The following UBAP1L variants were observed in gnomAD, a reference collection of about 807,000 sequenced individuals.
UBAP1L encodes the protein ubiquitin-associated protein 1-like.
In UBAP1L, 32 loss-of-function variants were observed where a neutral mutation model predicts 32.1. The ratio of observed to expected loss-of-function variants is 1.00; its 90% CI spans 0.75 to 1.34. UBAP1L has a LOEUF of 1.34. Among genes scored for constraint, UBAP1L ranks in the 40% most tolerant of loss-of-function variants. The pLI, the probability that UBAP1L is intolerant of heterozygous loss-of-function variation, is 0.00. For synonymous variants in UBAP1L, 243 were observed against 250.2 expected, an observed-to-expected ratio of 0.97 and a Z score of 0.27; for missense variants, 516 against 540.5, an observed-to-expected ratio of 0.95 and a Z score of 0.45.
Position 65,102,450 on chromosome 15 carries a change from T to G in UBAP1L, c.355A>C (p.Ser119Arg). 2 of 1,424,634 alleles carry G rather than the reference T, an allele frequency of 1.4e-6. No homozygotes were observed. Among genetic ancestry groups the G allele is most frequent in the Non-Finnish European group, 1.8e-6 (2 of 1,089,848 alleles). 88.2% of individuals were successfully genotyped at this position (1,424,634 alleles called of 1,614,324 possible). A position where few individuals can be genotyped will look rare whatever the true frequency, so the allele number is the denominator to read the frequency against. Residue 119 changes from serine (S) to arginine (R), a missense_variant, in exon 3 of 6, where the codon AGC (serine) becomes CGC (arginine). Ser to Arg is a moderately radical substitution (Grantham distance 110, BLOSUM62 -1). Coordinates refer to ENST00000559089, the MANE Select transcript of UBAP1L (RefSeq NM_001163692.2). The surrounding 1 kb of genome is among the most constrained non-coding windows in gnomAD (Gnocchi z 5.0). ...GEDEAEASSG[S>R]EEEPAPSSLQ... The stretch of plus-strand genomic sequence containing the variant: ...CTGCTGGGGGCCGGCTCTTCCTCGC[T>G]GCCAGAGGAGGCTTCTGCCTCGTCC...
intron 1 of UBAP1L, among the ~76,000 whole-genome samples, chr15:65,112,950 T>C (rs2087378603): frequency 6.6e-6 from 1 of 152,212 alleles, no homozygotes. Context: ...ACTCCACTGC[T>C]TCCATGGGAA....
chr15:65,094,514 C>T lies in UBAP1L; in HGVS notation c.972G>A (p.Val324=), dbSNP rs1488591302. 9.7e-6 allele frequency: 15 copies of T among 1,551,390 alleles called. No individual in the cohort carries two copies. Among genetic ancestry groups the T allele is most frequent in the Non-Finnish European group, 1.2e-5 (14 of 1,146,956 alleles). ...ACTGGAACATCTCCATGGCCTCATCCACCAGGCCTTCCTCATATCCCTGAC... is the reference window on the plus strand; with the variant it reads ...ACTGGAACATCTCCATGGCCTCATCTACCAGGCCTTCCTCATATCCCTGAC... ...LLRQGYEEGL[V]DEAMEMFQFS... The change falls in exon 5 of 6, where the codon GTG becomes GTA. Residue 324 remains valine, a synonymous_variant. Transcript: ENST00000559089. This position sits in a 1 kb window ranked among gnomAD's most constrained non-coding sequence, Gnocchi z 4.2.
At chr15:65,107,947 C>T (rs988505873) in intron 1 of UBAP1L, among the ~76,000 whole-genome samples, 15 of 151,946 alleles carry the variant, frequency 9.9e-5, no homozygotes, top group Non-Finnish European at 1.9e-4. Context: ...ATTTATTCAT[C>T]CCATGTATCA....
At chr15:65,105,742 G>A in intron 2 of UBAP1L, 1 of 699,772 alleles carries the variant, frequency 1.4e-6, no homozygotes, top group Non-Finnish European at 2.7e-6. Flanking sequence ...GTTGGTAGGT[G>A]TGCCCAGGTC....
rs1020367032 is a variant in UBAP1L, at chr15:65,102,236, G to C, written c.569C>G (p.Pro190Arg). Residue 190 changes from proline (P) to arginine (R), a missense_variant, in exon 3 of 6, where the codon CCT becomes CGT. Pro to Arg is a moderately radical substitution (Grantham distance 103). Coordinates refer to ENST00000559089, the MANE Select transcript of UBAP1L (RefSeq NM_001163692.2). This position sits in a 1 kb window ranked among gnomAD's most constrained non-coding sequence, Gnocchi z 5.0. ...TGATGCAGACCTGGGGGACTGCGCA[G>C]GGCTCGGGCACAGGCTCAGCGCGCG... ...GHRALSLCPS[P>R]AQSPRSASPP... is the part of the protein sequence containing the mutation. 15 of 1,266,816 alleles carry C rather than the reference G, an allele frequency of 1.2e-5. No individual in the cohort carries two copies. The highest frequency in any genetic ancestry group is 1.5e-5 in the Non-Finnish European group (15 of 1,006,996). The allele number at this position is 1,266,816 out of a possible 1,614,324, so 78.5% of individuals were successfully genotyped here. A position where few individuals can be genotyped will look rare whatever the true frequency, so the allele number is the denominator to read the frequency against.
At chr15:65,097,466 G>A (rs1163583465) in intron 4 of UBAP1L, 1 of 152,260 alleles carries the variant, frequency 6.6e-6, no homozygotes, top group African/African-American at 2.4e-5. Flanking sequence ...CAGAAAATGA[G>A]ATAAAAGACA....
chr15:65,108,400 G>T (rs2087340682), intron 1 of UBAP1L, among the ~76,000 whole-genome samples: 1 of 152,044 alleles, frequency 6.6e-6, no homozygotes, highest in Admixed American at 6.5e-5. Flanking sequence ...AGATAAAAAT[G>T]AAAGACTATA....
At chr15:65,104,815 G>T in intron 2 of UBAP1L, 1 of 274,756 alleles carries the variant, frequency 3.6e-6, no homozygotes, top group South Asian at 2.8e-5. Context: ...AGACCATCCT[G>T]GCCAACATAG....
intron 3 of UBAP1L, chr15:65,101,648 T>G (rs2087240291): frequency 6.5e-6 from 1 of 152,934 alleles, no homozygotes; most frequent in Non-Finnish European, 1.5e-5. Flanking sequence ...CCAGCTCCCC[T>G]AGCTTATAGC....
intron 1 of UBAP1L, among the ~76,000 whole-genome samples, chr15:65,114,773 C>CACAGTTATGCACTCTA (rs753724967): frequency 1.1e-4 from 16 of 152,220 alleles, no homozygotes; most frequent in Non-Finnish European, 2.4e-4. Context: ...CACTGTTCTA[C>CACAGTTATGCACTCTA]ACAGTTATGC....
chr15:65,106,157 T>C lies in UBAP1L; in HGVS notation c.59A>G (p.Glu20Gly). 1 of 1,550,794 alleles carries C rather than the reference T, an allele frequency of 6.4e-7. No homozygotes were observed. The highest frequency in any genetic ancestry group is 8.7e-7 in the Non-Finnish European group (1 of 1,146,764). Residue 20 changes from glutamate to glycine, a missense_variant, in exon 2 of 6, where the codon GAG becomes GGG. Transcript: ENST00000559089. ...GCTGAGTTCTGGCCCAGGGAGAGGC[T>C]CTGTGCCTATCACAAAGCCCTTGGG... ...KLPKGFVIGT[E>G]PLPGPELSVP... is the part of the protein sequence containing the mutation.
chr15:65,098,360 A>C (rs80189448), intron 4 of UBAP1L: 2 of 152,170 alleles, frequency 1.3e-5, no homozygotes, highest in Admixed American at 1.3e-4. Context: ...CTTCAGCATC[A>C]GATCTTATCC....
intron 1 of UBAP1L, 22 bp from the exon 2 acceptor site, chr15:65,106,410 A>C: frequency 1.9e-6 from 1 of 535,080 alleles, no homozygotes; most frequent in Non-Finnish European, 3.1e-6. Context: ...AAGGAAATGA[A>C]TAAAAACAAG....
In UBAP1L at chr15:65,093,242, G is replaced by T; in HGVS notation, c.1012-11C>A. On this transcript the variant is annotated splice_polypyrimidine_tract_variant and intron_variant, in intron 5 of 5. Transcript: ENST00000559089. ...CAGGAACTCCCCTGCCTGAGGAAGAGGAGACAGGGAGGGTGCTGGGGGCTC... is the reference window on the plus strand; with the variant it reads ...CAGGAACTCCCCTGCCTGAGGAAGATGAGACAGGGAGGGTGCTGGGGGCTC... 6.5e-7 allele frequency: 1 copy of T among 1,537,244 alleles called. No homozygotes were observed. The highest frequency in any genetic ancestry group is 8.8e-7 in the Non-Finnish European group (1 of 1,142,036).
rs2087257461 is a variant in UBAP1L at position 65,102,596 on chromosome 15, G to T, written c.209C>A (p.Thr70Lys). The part of the protein sequence containing the change: ...PSPYQCGDPG[T>K]ASAPPAWLLL... ...GAGCCAGGCTGGAGGGGCTGACGCT[G>T]TCCCCGGGTCACCGCACTGGTACGG... The change falls in exon 3 of 6, where the codon ACA becomes AAA. Residue 70 changes from threonine (T) to lysine (K), a missense_variant. Physicochemically the swap from Thr to Lys is moderately conservative, Grantham distance 78. Coordinates refer to ENST00000559089, the MANE Select transcript of UBAP1L (RefSeq NM_001163692.2). The surrounding 1 kb of genome is among the most constrained non-coding windows in gnomAD (Gnocchi z 5.0). 7 of 1,548,634 alleles carry T rather than the reference G, an allele frequency of 4.5e-6. No homozygotes were observed. In the South Asian group the frequency reaches 7.1e-5, roughly 16 times the overall value.
chr15:65,099,446 T>A (rs576480590), intron 4 of UBAP1L, 59 bp downstream of exon 4: 10 of 1,511,550 alleles, frequency 6.6e-6, no homozygotes, highest in Non-Finnish European at 8.9e-6. Context: ...GTGAAAATCA[T>A]GTGGCCACTC....
intron 4 of UBAP1L, chr15:65,096,509 C>G (rs561195911): frequency 6.6e-6 from 1 of 152,396 alleles, no homozygotes; most frequent in South Asian, 2.1e-4. Context: ...GCAGGATAAG[C>G]CCTGAGAGTC....
At position 65,108,735 on chromosome 15, in the gene UBAP1L, A is replaced by G. The variant is rs141857101; in HGVS notation, c.-173-2347T>C. On this transcript the variant is annotated intron_variant, in intron 1 of 5. Coordinates refer to ENST00000559089, the MANE Select transcript of UBAP1L (RefSeq NM_001163692.2). ...CAGGTTGCACTCCAGCCTGGGCAACAAAATGAGACACTGTCTCAAATAAAT... is the reference window on the plus strand; with the variant it reads ...CAGGTTGCACTCCAGCCTGGGCAACGAAATGAGACACTGTCTCAAATAAAT... 9.9e-3 allele frequency among the ~76,000 whole-genome samples: 1,477 copies of G among 149,604 alleles called. 29 individuals carry two copies. Among genetic ancestry groups the G allele is most frequent in the African/African-American group, 0.03 (1,211 of 40,776 alleles).
chr15:65,102,182 G>C lies in UBAP1L; in HGVS notation c.623C>G (p.Ala208Gly). ...GGGCCGCGGGGGCGACGCGGGGGCG[G>C]CGGGGTGCTGGGGCGCGGGCCCCGG... is the stretch of plus-strand genomic sequence containing the variant. Reference protein sequence around the residue: ...SPPGPAPQHPAAPASPPRPST... With the variant: ...SPPGPAPQHPGAPASPPRPST... Residue 208 changes from alanine (A) to glycine (G), a missense_variant, in exon 3 of 6, where the codon GCC becomes GGC. Coordinates refer to ENST00000559089, the MANE Select transcript of UBAP1L (RefSeq NM_001163692.2). This position sits in a 1 kb window ranked among gnomAD's most constrained non-coding sequence, Gnocchi z 5.0. 8.4e-7 allele frequency: 1 copy of C among 1,196,294 alleles called. No individual in the cohort carries two copies. The allele number at this position is 1,196,294 out of a possible 1,614,324, so 74.1% of individuals were successfully genotyped here.
Sources: allele counts gnomAD v4.1 joint callset (sites outside exome capture counted in the v4.1 genomes callset), GRCh38; gene constraint gnomAD v4.1.1; non-coding constraint Gnocchi (gnomAD v3.1); transcripts MANE v1.5; gene names NCBI Gene and HGNC (gene_info 2026-07-23, HGNC 2026-07-21).